The following UBASH3B variants were observed in gnomAD, a reference collection of about 807,000 sequenced individuals.
The protein encoded by UBASH3B is ubiquitin associated and SH3 domain containing B, also known as ubiquitin-associated and SH3 domain-containing protein B.
In UBASH3B, 37 loss-of-function variants were observed where a neutral mutation model predicts 83.4. That is an observed-to-expected ratio of 0.44 (90% CI 0.34 to 0.58). The LOEUF is 0.58. Among genes scored for constraint, UBASH3B ranks in the 20% least tolerant of loss-of-function variants. The pLI, the probability that UBASH3B is intolerant of heterozygous loss-of-function variation, is 0.01. For synonymous variants in UBASH3B, 304 were observed against 318.3 expected (o/e 0.96, Z 0.48); for missense variants, 657 against 827.2 (o/e 0.79, Z 2.52).
chr11:122,806,645 G>C lies in UBASH3B; in HGVS notation c.1702+129G>C, dbSNP rs1344613336. 1.6e-6 allele frequency: 2 copies of C among 1,284,308 alleles called. No homozygotes were observed. The highest frequency in any genetic ancestry group is 4.1e-5 in the Admixed American group (1 of 24,312). The allele number at this position is 1,284,308 out of a possible 1,614,324, so 79.6% of individuals were successfully genotyped here. On this transcript the variant is annotated intron_variant, in intron 12 of 13. Coordinates refer to ENST00000284273, the MANE Select transcript of UBASH3B (RefSeq NM_032873.5). The surrounding 1 kb of genome is among the most constrained non-coding windows in gnomAD (Gnocchi z 4.0). ...AAATGTATTTCCAGATTTTCTTCCA[G>C]ATACTTTTACATTAAATTTGTAATA...
rs956606038 is a variant in UBASH3B at position 122,813,862 on chromosome 11, C to A, written c.*3976C>A. 2 of 152,096 alleles carry A rather than the reference C, an allele frequency of 1.3e-5. No individual in the cohort carries two copies. The highest frequency in any genetic ancestry group is 4.8e-5 in the African/African-American group (2 of 41,398). The allele number at this position is 152,096 out of a possible 1,614,324, so 9.4% of individuals were successfully genotyped here. A position where few individuals can be genotyped will look rare whatever the true frequency, so the allele number is the denominator to read the frequency against. On this transcript the variant is annotated 3_prime_UTR_variant, in exon 14 of 14. Transcript: ENST00000284273. ...AAAGTGACTAGCTATAATGAAAATT[C>A]AAGCGAAAAGGGAAAAAGATTGTAA...
chr11:122,744,873 C>CTGTGTGTGTGTG (rs544992534), intron 1 of UBASH3B, among the ~76,000 whole-genome samples: 13,686 of 139,262 alleles, frequency 0.098, 765 homozygotes, highest in Middle Eastern at 0.17. Context: ...ATGTGTGACT[C>CTGTGTGTGTGTG]TGTGTGTGTG....
At chr11:122,776,035 G>T (rs1860726619) in intron 1 of UBASH3B, 184 bp from the exon 2 acceptor site, 1 of 511,230 alleles carries the variant, frequency 2.0e-6, no homozygotes, top group African/African-American at 2.0e-5. Context: ...TTAATTACAA[G>T]TCCTAACTTC....
At chr11:122,770,328 G>T (rs181577439) in intron 1 of UBASH3B, among the ~76,000 whole-genome samples, 1 of 152,282 alleles carries the variant, frequency 6.6e-6, no homozygotes, top group East Asian at 1.9e-4. Flanking sequence ...TTTACTGCAG[G>T]TGTCAGATAT....
At chr11:122,768,098 A>T (rs1860582708) in intron 1 of UBASH3B, among the ~76,000 whole-genome samples, 1 of 152,188 alleles carries the variant, frequency 6.6e-6, no homozygotes, top group Non-Finnish European at 1.5e-5. Context: ...GTAGTTTGCT[A>T]TCTGGGACGA....
At chr11:122,661,401 C>T (rs1157363762) in intron 1 of UBASH3B, among the ~76,000 whole-genome samples, 1 of 152,190 alleles carries the variant, frequency 6.6e-6, no homozygotes, top group African/African-American at 2.4e-5. Context: ...TCCAGCTTAC[C>T]TGTTGGTTGA....
chr11:122,747,811 C>T (rs1236225236), intron 1 of UBASH3B, among the ~76,000 whole-genome samples: 1 of 152,198 alleles, frequency 6.6e-6, no homozygotes, highest in Non-Finnish European at 1.5e-5. Context: ...GGAACTCAAA[C>T]TGCCTGGTTT....
At chr11:122,678,633 T>G (rs1409430972) in intron 1 of UBASH3B, among the ~76,000 whole-genome samples, 1 of 152,110 alleles carries the variant, frequency 6.6e-6, no homozygotes, top group African/African-American at 2.4e-5. Context: ...CTGAAAGGTG[T>G]GTTTTCAGGA....
rs1861154601 is a variant in UBASH3B, at chr11:122,796,254, G to C, written c.1212G>C (p.Leu404=). 6.2e-7 allele frequency: 1 copy of C among 1,614,026 alleles called. No homozygotes were observed. Among genetic ancestry groups the C allele is most frequent in the Non-Finnish European group, 8.5e-7 (1 of 1,180,002 alleles). The stretch of plus-strand genomic sequence containing the variant: ...ATGTTGTGTTTGGGAAGTACTGGCT[G>C]TCCCAGTGCTTCGATGCCAAAGGTG... The part of the protein sequence containing the change: ...RMDVVFGKYW[L]SQCFDAKGRY... The change falls in exon 8 of 14, where the codon CTG becomes CTC. Residue 404 remains leucine, a synonymous_variant. Coordinates refer to ENST00000284273, the MANE Select transcript of UBASH3B (RefSeq NM_032873.5).
intron 13 of UBASH3B, 99 bp from the exon 14 acceptor site, chr11:122,809,650 C>A: frequency 7.7e-7 from 1 of 1,303,126 alleles, no homozygotes; most frequent in Non-Finnish European, 1.1e-6. Context: ...TTTCTGACTG[C>A]AATTCTCTAG....
chr11:122,655,799 G>A lies in UBASH3B; in HGVS notation c.-251G>A, dbSNP rs1489787001. ...AGGGCTACTGCAGGCGCAGAGCTGG[G>A]GGCAGCCGGGGGCCCGAGTGGCTGA... On this transcript the variant is annotated 5_prime_UTR_variant, in exon 1 of 14. Transcript: ENST00000284273. 2.3e-6 allele frequency: 1 copy of A among 438,886 alleles called. No individual in the cohort carries two copies. The highest frequency in any genetic ancestry group is 4.0e-6 in the Non-Finnish European group (1 of 247,970). 27.2% of individuals were successfully genotyped at this position (438,886 alleles called of 1,614,324 possible). A position where few individuals can be genotyped will look rare whatever the true frequency, so the allele number is the denominator to read the frequency against.
intron 1 of UBASH3B, among the ~76,000 whole-genome samples, chr11:122,662,914 G>T (rs905309411): frequency 2.0e-5 from 3 of 151,482 alleles, no homozygotes; most frequent in African/African-American, 7.3e-5. Flanking sequence ...GTGCTAGTAG[G>T]GTAATTATAA....
chr11:122,663,124 A>C (rs566640097), intron 1 of UBASH3B, among the ~76,000 whole-genome samples: 4 of 152,036 alleles, frequency 2.6e-5, no homozygotes, highest in Non-Finnish European at 4.4e-5. Context: ...CTACAGGCAC[A>C]TGCCGCCATG....
intron 13 of UBASH3B, among the ~76,000 whole-genome samples, chr11:122,809,027 T>C (rs386758282): frequency 0.018 from 2,706 of 151,682 alleles, 105 homozygotes; most frequent in African/African-American, 0.061. Context: ...ATATTTTCCA[T>C]TGGGTCCAAG....
At chr11:122,679,126 G>T (rs1432648599) in intron 1 of UBASH3B, among the ~76,000 whole-genome samples, 1 of 152,194 alleles carries the variant, frequency 6.6e-6, no homozygotes, top group Non-Finnish European at 1.5e-5. Flanking sequence ...CTCTAAGGAG[G>T]TGCCACTGGA....
At chr11:122,675,987 G>A (rs1565525346) in intron 1 of UBASH3B, among the ~76,000 whole-genome samples, 3 of 152,218 alleles carry the variant, frequency 2.0e-5, no homozygotes, top group African/African-American at 7.2e-5. Flanking sequence ...AGAAAAGCAA[G>A]ACAGATACAT....
intron 1 of UBASH3B, among the ~76,000 whole-genome samples, chr11:122,684,817 C>T (rs546478579): frequency 5.3e-5 from 8 of 152,266 alleles, no homozygotes; most frequent in East Asian, 1.9e-4. Context: ...AGGCTGGTCT[C>T]GAACTCCTGA....
Position 122,713,194 on chromosome 11 carries a change from A to G in UBASH3B, c.161+56984A>G, listed in dbSNP as rs1238252472. Among the ~76,000 whole-genome samples, 4 of 152,136 alleles carry G rather than the reference A, an allele frequency of 2.6e-5. No individual in the cohort carries two copies. The East Asian group carries it at 5.8e-4, about 22-fold the overall frequency. On this transcript the variant is annotated intron_variant, in intron 1 of 13. Transcript: ENST00000284273. ...AGTACTGGGATTACAGGCGTGAGCC[A>G]CTGCACCCGGCCCAGTGTTCCTCAT...
intron 5 of UBASH3B, among the ~76,000 whole-genome samples, chr11:122,785,107 T>A (rs1043222915): frequency 2.0e-5 from 3 of 152,160 alleles, no homozygotes; most frequent in Non-Finnish European, 4.4e-5. Context: ...TCCAGTTAAC[T>A]CAAAGGGTAA....
Sources: gnomAD v4.1 joint callset for allele counts (sites outside exome capture counted in the v4.1 genomes callset) on GRCh38, gnomAD v4.1.1 for gene constraint, Gnocchi (gnomAD v3.1) non-coding constraint, MANE v1.5 for transcripts, NCBI Gene and HGNC (gene_info 2026-07-23, HGNC 2026-07-21) for gene names.